AOPEP: variants seen among roughly 807,000 people sequenced by gnomAD.
AOPEP encodes the protein aminopeptidase O.
AOPEP carries 77 observed loss-of-function variants against 98.1 expected under a neutral mutation model. The ratio of observed to expected loss-of-function variants is 0.78; its 90% confidence interval spans 0.65 to 0.95. AOPEP has a LOEUF of 0.95. Ranked by LOEUF, AOPEP falls within the 40% of genes least tolerant of loss-of-function variation. AOPEP has a pLI of 0.00. For missense variants in AOPEP, 1,024 were observed against 1,024.7 expected, an observed-to-expected ratio of 1.00 and a Z score of 0.01; for synonymous variants, 346 against 365.3, an observed-to-expected ratio of 0.95 and a Z score of 0.60.
At chr9:95,001,194 GA>G (rs2061538007) in intron 11 of AOPEP, among the ~76,000 whole-genome samples, 1 of 152,138 alleles carries the variant, frequency 6.6e-6, no homozygotes, top group Non-Finnish European at 1.5e-5. Flanking sequence ...CTTTGTCTAA[GA>G]AAAGGAAGAA....
intron 13 of AOPEP, among the ~76,000 whole-genome samples, chr9:95,028,872 A>G (rs890278386): frequency 5.3e-5 from 8 of 152,134 alleles, no homozygotes; most frequent in Admixed American, 4.6e-4. Flanking sequence ...TCCCTGCCCA[A>G]TTGTGTATAT....
intron 5 of AOPEP, among the ~76,000 whole-genome samples, chr9:94,814,212 G>A (rs935982996): frequency 6.6e-6 from 1 of 152,130 alleles, no homozygotes; most frequent in African/African-American, 2.4e-5. Context: ...GCCCTGTTGG[G>A]GCCTCATATG....
intron 14 of AOPEP, among the ~76,000 whole-genome samples, chr9:95,065,718 C>A (rs1025948904): frequency 6.6e-6 from 1 of 152,182 alleles, no homozygotes; most frequent in African/African-American, 2.4e-5. Context: ...CAGGTCCCCC[C>A]GGGATCCCAA....
rs1373128764 is a variant in AOPEP, at chr9:95,050,829, CA to C, written c.2116-9864del. The stretch of plus-strand genomic sequence containing the variant: ...ATGTTGTCTTGACTGTGTGTCTATG[CA>C]CAAGAAAGGACAGGAACTGGGAGTA... On this transcript the variant is annotated intron_variant, in intron 13 of 16. Coordinates refer to ENST00000375315, the MANE Select transcript of AOPEP (RefSeq NM_001193329.3). 2.0e-5 allele frequency among the ~76,000 whole-genome samples: 3 copies of C among 152,180 alleles called. No individual in the cohort carries two copies. In the East Asian group the frequency reaches 5.8e-4, roughly 29 times the overall value.
At chr9:95,068,828 G>T (rs112639721) in intron 14 of AOPEP, among the ~76,000 whole-genome samples, 2 of 152,294 alleles carry the variant, frequency 1.3e-5, no homozygotes, top group Admixed American at 6.5e-5. Flanking sequence ...AGAAGAGAAG[G>T]GGGAGGGAAG....
the AOPEP span, chr9:95,101,671 C>A: frequency 6.2e-7 from 1 of 1,612,018 alleles, no homozygotes; most frequent in Non-Finnish European, 8.5e-7. Context: ...CGAGCCTGAT[C>A]CCTCACGCCG....
At chr9:95,049,710 CA>C (rs2066172506) in intron 13 of AOPEP, among the ~76,000 whole-genome samples, 2 of 152,126 alleles carry the variant, frequency 1.3e-5, no homozygotes, top group South Asian at 4.1e-4. Context: ...TTTTTCTAAA[CA>C]AATTTCCTGA....
intron 13 of AOPEP, among the ~76,000 whole-genome samples, chr9:95,038,677 CTTG>C (rs1371935795): frequency 6.6e-6 from 1 of 152,212 alleles, no homozygotes; most frequent in East Asian, 1.9e-4. Flanking sequence ...GGGAACGAGT[CTTG>C]TTAAGGGAGA....
rs182679826 is a variant in AOPEP at position 94,816,525 on chromosome 9, G to A, written c.1364+15523G>A. Among the ~76,000 whole-genome samples, 5 of 152,290 alleles carry A rather than the reference G, an allele frequency of 3.3e-5. No individual in the cohort carries two copies. In the East Asian group the frequency reaches 9.6e-4, roughly 29 times the overall value. On this transcript the variant is annotated intron_variant, in intron 5 of 16. Transcript: ENST00000375315. ...GCATCCCCATTGGCCACCTCCCTAAGTGAGCATAACTTAGAATGGTTAGGA... is the reference window on the plus strand; with the variant it reads ...GCATCCCCATTGGCCACCTCCCTAAATGAGCATAACTTAGAATGGTTAGGA...
intron 5 of AOPEP, among the ~76,000 whole-genome samples, chr9:94,907,967 C>A (rs2051419183): frequency 6.6e-6 from 1 of 152,180 alleles, no homozygotes; most frequent in South Asian, 2.1e-4. Flanking sequence ...TCCTTTCCAA[C>A]TTATGGAAAT....
chr9:95,067,906 G>T (rs1456752056), intron 14 of AOPEP, among the ~76,000 whole-genome samples: 1 of 152,126 alleles, frequency 6.6e-6, no homozygotes, highest in Non-Finnish European at 1.5e-5. Flanking sequence ...CCTATTCTGG[G>T]CCTTCACATA....
At chr9:94,798,980 A>G (rs1176228558) in intron 4 of AOPEP, among the ~76,000 whole-genome samples, 3 of 152,176 alleles carry the variant, frequency 2.0e-5, no homozygotes, top group Non-Finnish European at 4.4e-5. Flanking sequence ...TATATTCTTC[A>G]TGTCATCTTA....
chr9:94,735,564 C>G (rs983813072), intron 1 of AOPEP, among the ~76,000 whole-genome samples: 2 of 152,186 alleles, frequency 1.3e-5, no homozygotes, highest in Admixed American at 6.5e-5. Flanking sequence ...CAGCCCACCC[C>G]CAACCTGCAA....
chr9:95,005,476 C>G (rs1285919840), intron 12 of AOPEP, 66 bp from the exon 13 acceptor site: 3 of 1,467,352 alleles, frequency 2.0e-6, no homozygotes, highest in Non-Finnish European at 2.9e-6. Context: ...TCTGCTTTCT[C>G]GCGCTGGGGG....
the AOPEP span, chr9:95,101,890 T>C: frequency 6.2e-7 from 1 of 1,612,336 alleles, no homozygotes; most frequent in South Asian, 1.1e-5. Flanking sequence ...TAAAACACTT[T>C]CCAGACAGAT....
intron 5 of AOPEP, among the ~76,000 whole-genome samples, chr9:94,909,346 TAAAA>T (rs3052031): frequency 4.9e-5 from 4 of 82,028 alleles, no homozygotes; most frequent in Non-Finnish European, 6.8e-5. Flanking sequence ...TTTGGAGCCT[TAAAA>T]AAAAAAAAAA....
intron 5 of AOPEP, among the ~76,000 whole-genome samples, chr9:94,850,442 A>G (rs1359387641): frequency 6.6e-6 from 1 of 152,204 alleles, no homozygotes; most frequent in Non-Finnish European, 1.5e-5. Flanking sequence ...TAATGTGCAC[A>G]TATGCCAGAG....
At chr9:95,046,305 T>C (rs972670510) in intron 13 of AOPEP, among the ~76,000 whole-genome samples, 3 of 152,222 alleles carry the variant, frequency 2.0e-5, no homozygotes, top group Non-Finnish European at 4.4e-5. Flanking sequence ...CGGCAGTGGC[T>C]TTTTGCTTTT....
chr9:94,789,604 TG>T (rs1554715682), intron 3 of AOPEP, among the ~76,000 whole-genome samples: 1 of 152,202 alleles, frequency 6.6e-6, no homozygotes, highest in Non-Finnish European at 1.5e-5. Context: ...GGAGCAGTCA[TG>T]GGAGACATTG....
Sources: allele counts gnomAD v4.1 joint callset (sites outside exome capture counted in the v4.1 genomes callset), GRCh38; gene constraint gnomAD v4.1.1; transcripts MANE v1.5; gene names NCBI Gene and HGNC (gene_info 2026-07-23, HGNC 2026-07-21).